Variants in ZDHHC6 observed in about 807,000 individuals in gnomAD.
ZDHHC6 encodes the protein palmitoyltransferase ZDHHC6.
Under a neutral mutation model 57.8 loss-of-function variants are expected in ZDHHC6, and 32 were observed. That is an observed-to-expected ratio of 0.55 (90% CI 0.42 to 0.74). The LOEUF is 0.74. Ranked by LOEUF, ZDHHC6 falls within the 30% of genes least tolerant of loss-of-function variation. The pLI, the probability that ZDHHC6 is intolerant of heterozygous loss-of-function variation, is 0.00. For synonymous variants in ZDHHC6, 128 were observed against 158.0 expected (o/e 0.81, Z 1.42); for missense variants, 433 against 500.7 (o/e 0.86, Z 1.29).
chr10:112,432,111 T>C, intron 10 of ZDHHC6, 129 bp downstream of exon 10: 11 of 836,820 alleles, frequency 1.3e-5, no homozygotes, highest in Non-Finnish European at 2.0e-5. Context: ...TTTTGTTGCT[T>C]AGTGATATAC....
In ZDHHC6 at chr10:112,430,702, G is replaced by A. The variant is rs1844936826; in HGVS notation, c.*102C>T. Reference sequence around the variant, plus strand: ...GGCACTAGGGCACCTTTGAGGAAAAGAACATCTTAACCAGAGTAGGCTCAT... The same window carrying A: ...GGCACTAGGGCACCTTTGAGGAAAAAAACATCTTAACCAGAGTAGGCTCAT... On this transcript the variant is annotated 3_prime_UTR_variant, in exon 11 of 11. Coordinates refer to ENST00000369405, the MANE Select transcript of ZDHHC6 (RefSeq NM_022494.3). 4 of 984,928 alleles carry A rather than the reference G, an allele frequency of 4.1e-6. No homozygotes were observed. Among genetic ancestry groups the A allele is most frequent in the Non-Finnish European group, 5.8e-6 (4 of 690,992 alleles). The allele number at this position is 984,928 out of a possible 1,614,324, so 61.0% of individuals were successfully genotyped here. A position where few individuals can be genotyped will look rare whatever the true frequency, so the allele number is the denominator to read the frequency against.
upstream of ZDHHC6, chr10:112,447,247 TC>T: frequency 2.1e-6 from 2 of 975,554 alleles, no homozygotes; most frequent in Non-Finnish European, 3.0e-6. Flanking sequence ...TTGAGAGCTG[TC>T]CCCGGTTCTC....
rs529247233 is a variant in ZDHHC6, at chr10:112,430,524, TA to T, written c.*279del. On this transcript the variant is annotated 3_prime_UTR_variant, in exon 11 of 11. Coordinates refer to ENST00000369405, the MANE Select transcript of ZDHHC6 (RefSeq NM_022494.3). ...GGTGAGGTCCAGAGTGTGCAGTGCA[TA>T]AGAAAATCCTACAGAAAATGCCGTT... 9.5e-4 allele frequency: 280 copies of T among 296,184 alleles called. 5 individuals are homozygous for T. The South Asian group carries it at 0.011, about 11-fold the overall frequency. The allele number at this position is 296,184 out of a possible 1,614,324, so 18.3% of individuals were successfully genotyped here.
upstream of ZDHHC6, chr10:112,447,528 G>T: frequency 6.4e-7 from 1 of 1,564,078 alleles, no homozygotes; most frequent in South Asian, 1.1e-5. Context: ...GCGGGCGGTG[G>T]AACGCCGCCC....
At chr10:112,433,362 A>C in intron 7 of ZDHHC6, 81 bp from the exon 8 acceptor site, 1 of 1,187,240 alleles carries the variant, frequency 8.4e-7, no homozygotes, top group South Asian at 1.7e-5. Context: ...CAACTGTCAG[A>C]GTGATATGGC....
chr10:112,429,941 G>A (rs1844881740), downstream of ZDHHC6, among the ~76,000 whole-genome samples: 1 of 144,252 alleles, frequency 6.9e-6, no homozygotes, highest in Non-Finnish European at 1.5e-5. Flanking sequence ...CGAGTGCCAG[G>A]AGCAGGAAGA....
At chr10:112,428,411 G>T (rs1844821594), downstream of ZDHHC6, 1 of 398,458 alleles carries the variant, frequency 2.5e-6, no homozygotes, top group African/African-American at 2.1e-5. Flanking sequence ...CATGGACCAT[G>T]ATGAAAATCA....
At chr10:112,446,633 G>A (rs1213305287) in intron 1 of ZDHHC6, 72 bp downstream of exon 1, 1 of 152,476 alleles carries the variant, frequency 6.6e-6, no homozygotes, top group African/African-American at 2.4e-5. Flanking sequence ...CAACATTCAG[G>A]AGAGCCTGCT....
At chr10:112,428,141 G>A (rs991312883), downstream of ZDHHC6, 3 of 297,944 alleles carry the variant, frequency 1.0e-5, no homozygotes, top group Admixed American at 5.1e-5. Flanking sequence ...GGAGTTGACA[G>A]GTGGGCCCAG....
downstream of ZDHHC6, among the ~76,000 whole-genome samples, chr10:112,429,717 G>A (rs774429790): frequency 1.4e-4 from 21 of 152,316 alleles, no homozygotes; most frequent in Non-Finnish European, 3.1e-4. Context: ...AAGGGTACAT[G>A]AGTAGTTTGA....
chr10:112,439,155 C>T (rs547913461), intron 5 of ZDHHC6, among the ~76,000 whole-genome samples: 36 of 152,136 alleles, frequency 2.4e-4, no homozygotes, highest in Non-Finnish European at 4.9e-4. Flanking sequence ...TGCCATTGCA[C>T]TCCAGCCTGG....
chr10:112,440,286 A>G (rs1268723485), intron 5 of ZDHHC6, among the ~76,000 whole-genome samples: 2 of 152,208 alleles, frequency 1.3e-5, no homozygotes, highest in African/African-American at 2.4e-5. Context: ...AGCTCTCTCA[A>G]TTCTGAAGTG....
At chr10:112,438,803 C>T (rs920954700) in intron 5 of ZDHHC6, among the ~76,000 whole-genome samples, 1 of 152,100 alleles carries the variant, frequency 6.6e-6, no homozygotes, top group African/African-American at 2.4e-5. Flanking sequence ...TGAGAAGTAA[C>T]AGTGACTCAT....
intron 4 of ZDHHC6, among the ~76,000 whole-genome samples, chr10:112,441,510 A>G (rs1307401127): frequency 6.6e-6 from 1 of 152,226 alleles, no homozygotes; most frequent in Non-Finnish European, 1.5e-5. Flanking sequence ...AGGTGCCAAC[A>G]TTTAAAAATC....
intron 6 of ZDHHC6, among the ~76,000 whole-genome samples, chr10:112,436,791 TA>T (rs1589732697): frequency 6.6e-6 from 1 of 152,344 alleles, no homozygotes; most frequent in Non-Finnish European, 1.5e-5. Flanking sequence ...GATGAAGCAG[TA>T]AAAATTGTTT....
exon 12 of ZDHHC6, chr10:112,425,234 G>A: frequency 9.3e-7 from 1 of 1,070,982 alleles, no homozygotes; most frequent in South Asian, 1.8e-5. Flanking sequence ...AGTCTCTGGA[G>A]AAATCAGCTT....
intron 5 of ZDHHC6, among the ~76,000 whole-genome samples, chr10:112,439,641 A>T (rs1845904307): frequency 8.8e-6 from 1 of 113,786 alleles, no homozygotes; most frequent in Non-Finnish European, 2.0e-5. Flanking sequence ...AAAAAAAAAA[A>T]AAAAAAAAAA....
At chr10:112,432,759 A>G (rs534062035) in intron 8 of ZDHHC6, among the ~76,000 whole-genome samples, 1 of 152,236 alleles carries the variant, frequency 6.6e-6, no homozygotes, top group Non-Finnish European at 1.5e-5. Context: ...AATTAGAGTT[A>G]GAGCAGGGCT....
chr10:112,439,669 A>AAAAAAAAAAAAAAAAAAT (rs757796332), intron 5 of ZDHHC6, among the ~76,000 whole-genome samples: 3 of 108,610 alleles, frequency 2.8e-5, no homozygotes, highest in Middle Eastern at 5.2e-3. Context: ...AAAAAAAAAA[A>AAAAAAAAAAAAAAAAAAT]GAATGAAAAA....
Sources: gnomAD v4.1 joint callset for allele counts (sites outside exome capture counted in the v4.1 genomes callset) on GRCh38, gnomAD v4.1.1 for gene constraint, MANE v1.5 for transcripts, NCBI Gene and HGNC (gene_info 2026-07-23, HGNC 2026-07-21) for gene names.